Variants in VAT1L observed in about 807,000 individuals in gnomAD.
VAT1L encodes putative NADPH-dependent quinone oxidoreductase VAT1L.
VAT1L carries 34 observed loss-of-function variants against 44.1 expected under a neutral mutation model. The ratio of observed to expected loss-of-function variants is 0.77; its 90% confidence interval spans 0.59 to 1.03. The LOEUF is 1.03. Ranked by LOEUF, VAT1L falls within the 50% of genes least tolerant of loss-of-function variation. The pLI is 0.00. For missense variants in VAT1L, 615 were observed against 538.8 expected, an observed-to-expected ratio of 1.14 and a Z score of -1.40; for synonymous variants, 253 against 202.2, an observed-to-expected ratio of 1.25 and a Z score of -2.13.
chr16:77,816,782 A>G, intron 1 of VAT1L, 139 bp from the exon 2 acceptor site: 1 of 1,178,774 alleles, frequency 8.5e-7, no homozygotes, highest in Non-Finnish European at 1.1e-6. Flanking sequence ...ACTTTGCCAA[A>G]AAGAAAAAAA....
At chr16:77,892,869 G>T in intron 7 of VAT1L, 3 of 1,063,358 alleles carry the variant, frequency 2.8e-6, no homozygotes, top group Non-Finnish European at 4.4e-6. Context: ...TCCAGGAATG[G>T]CAAGACCAGC....
intron 7 of VAT1L, among the ~76,000 whole-genome samples, chr16:77,920,177 C>T (rs1304975950): frequency 6.6e-6 from 1 of 152,198 alleles, no homozygotes; most frequent in African/African-American, 2.4e-5. Flanking sequence ...ACAGAGCTGC[C>T]AAGCATTCAC....
chr16:77,853,727 G>T (rs2142435360), intron 3 of VAT1L, among the ~76,000 whole-genome samples: 1 of 152,228 alleles, frequency 6.6e-6, no homozygotes. Context: ...TGATGTTGAG[G>T]CTGCTGGCTC....
chr16:77,862,357 G>A (rs868754132), intron 3 of VAT1L, among the ~76,000 whole-genome samples: 3 of 152,322 alleles, frequency 2.0e-5, no homozygotes, highest in Middle Eastern at 3.4e-3. Context: ...GCTTGCGCCT[G>A]TAATCCTAGC....
intron 7 of VAT1L, among the ~76,000 whole-genome samples, chr16:77,908,997 A>C (rs767416604): frequency 6.6e-6 from 1 of 152,196 alleles, no homozygotes; most frequent in Non-Finnish European, 1.5e-5. Context: ...ACAAAGGATG[A>C]TAATAATATG....
intron 8 of VAT1L, among the ~76,000 whole-genome samples, chr16:77,976,780 G>C (rs1246454214): frequency 6.6e-6 from 1 of 152,186 alleles, no homozygotes. Flanking sequence ...CCACTGTAAT[G>C]ATGGCGGAAA....
intron 7 of VAT1L, among the ~76,000 whole-genome samples, chr16:77,940,581 G>C (rs993839075): frequency 6.6e-6 from 1 of 152,004 alleles, no homozygotes; most frequent in Non-Finnish European, 1.5e-5. Flanking sequence ...CTGACCACGT[G>C]ATCCGCCCGC....
chr16:77,828,165 C>A (rs1023704968), intron 3 of VAT1L, among the ~76,000 whole-genome samples: 1 of 152,184 alleles, frequency 6.6e-6, no homozygotes, highest in Non-Finnish European at 1.5e-5. Context: ...GGGTGGGGCA[C>A]TGTCTTACAA....
intron 7 of VAT1L, among the ~76,000 whole-genome samples, chr16:77,940,883 A>T (rs781333537): frequency 6.6e-6 from 1 of 152,138 alleles, no homozygotes; most frequent in Non-Finnish European, 1.5e-5. Context: ...CTTCCCAATT[A>T]TATTAAGATT....
intron 7 of VAT1L, among the ~76,000 whole-genome samples, chr16:77,906,933 G>A (rs1228680160): frequency 6.6e-6 from 1 of 152,150 alleles, no homozygotes; most frequent in Non-Finnish European, 1.5e-5. Context: ...ATGTAGAAGA[G>A]GTGTTCAATA....
intron 3 of VAT1L, among the ~76,000 whole-genome samples, chr16:77,845,920 C>A (rs2016754094): frequency 6.6e-6 from 1 of 152,162 alleles, no homozygotes; most frequent in Non-Finnish European, 1.5e-5. Context: ...TCCATCCATC[C>A]AGCAGCTATG....
intron 5 of VAT1L, 23 bp downstream of exon 5, chr16:77,876,496 G>T (rs2017088439): frequency 1.2e-6 from 2 of 1,605,424 alleles, no homozygotes; most frequent in African/African-American, 1.3e-5. Flanking sequence ...CAGCAGCAGG[G>T]ACGTGGTCAG....
chr16:77,812,341 G>C (rs894953299), intron 1 of VAT1L, among the ~76,000 whole-genome samples: 6 of 152,130 alleles, frequency 3.9e-5, no homozygotes, highest in Non-Finnish European at 2.9e-5. Flanking sequence ...CCAAAGTGCT[G>C]GGATTACAGG....
chr16:77,910,410 T>G (rs369122787), intron 7 of VAT1L, among the ~76,000 whole-genome samples: 1 of 152,124 alleles, frequency 6.6e-6, no homozygotes, highest in Admixed American at 6.5e-5. Context: ...TGGTGGCTCA[T>G]GCCTGTAATC....
chr16:77,844,147 G>A (rs140927543), intron 3 of VAT1L, among the ~76,000 whole-genome samples: 2 of 152,248 alleles, frequency 1.3e-5, no homozygotes, highest in African/African-American at 2.4e-5. Flanking sequence ...ATAAGATATA[G>A]CCAGCCCTTA....
intron 1 of VAT1L, among the ~76,000 whole-genome samples, chr16:77,807,869 A>G (rs952493086): frequency 6.6e-6 from 1 of 152,190 alleles, no homozygotes; most frequent in Non-Finnish European, 1.5e-5. Flanking sequence ...AGCTAAAGCT[A>G]AAGATCTAAA....
intron 1 of VAT1L, among the ~76,000 whole-genome samples, chr16:77,798,782 G>A (rs2015986952): frequency 6.6e-6 from 1 of 152,174 alleles, no homozygotes. Flanking sequence ...AGGGACAAGC[G>A]AGGAAATGGA....
chr16:77,935,842 T>C (rs1045904611), intron 7 of VAT1L, among the ~76,000 whole-genome samples: 7 of 152,182 alleles, frequency 4.6e-5, no homozygotes, highest in African/African-American at 1.7e-4. Context: ...TTTTCATTCA[T>C]TAAATTGGAG....
In VAT1L at chr16:77,788,941, TTC is replaced by T. The variant is rs1476395392; in HGVS notation, c.233+32_233+33del. 6 of 1,450,518 alleles carry T rather than the reference TTC, an allele frequency of 4.1e-6. No individual in the cohort carries two copies. The Admixed American group carries it at 7.8e-5, about 19-fold the overall frequency. 89.9% of individuals were successfully genotyped at this position (1,450,518 alleles called of 1,614,324 possible). A position where few individuals can be genotyped will look rare whatever the true frequency, so the allele number is the denominator to read the frequency against. On this transcript the variant is annotated intron_variant, in intron 1 of 8. Coordinates refer to ENST00000302536, the MANE Select transcript of VAT1L (RefSeq NM_020927.3). Reference sequence around the variant, plus strand: ...GTCCAGTATCCGCGCCTTTCTCGCTTTCTCTCTTTTTGCGCGCTGGGCGCTGG... The same window carrying T: ...GTCCAGTATCCGCGCCTTTCTCGCTTTCTCTTTTTGCGCGCTGGGCGCTGG...
Sources: gnomAD v4.1 joint callset for allele counts (sites outside exome capture counted in the v4.1 genomes callset) on GRCh38, gnomAD v4.1.1 for gene constraint, MANE v1.5 for transcripts, NCBI Gene and HGNC (gene_info 2026-07-23, HGNC 2026-07-21) for gene names.